The following RBFOX1 variants were observed in gnomAD, a reference collection of about 807,000 sequenced individuals.
RBFOX1 encodes the protein RNA binding fox-1 homolog 1, also known as RNA binding protein fox-1 homolog 1.
In RBFOX1, 8 loss-of-function variants were observed where a neutral mutation model predicts 57.7. The ratio of observed to expected loss-of-function variants is 0.14; its 90% CI spans 0.08 to 0.25. The LOEUF is 0.25. RBFOX1 is among the 10% of genes least tolerant of loss of function. The pLI, the probability that RBFOX1 is intolerant of heterozygous loss-of-function variation, is 1.00. For missense variants in RBFOX1, 611 were observed against 548.5 expected (o/e 1.11, Z -1.14); for synonymous variants, 326 against 222.4 (o/e 1.47, Z -4.15).
At chr16:6,371,967 C>G (rs780830179) in intron 2 of RBFOX1, among the ~76,000 whole-genome samples, 2 of 152,032 alleles carry the variant, frequency 1.3e-5, no homozygotes, top group Non-Finnish European at 2.9e-5. Context: ...TCTTTGTATC[C>G]CCATTGCCTA....
intron 2 of RBFOX1, among the ~76,000 whole-genome samples, chr16:6,631,977 A>C (rs777509830): frequency 2.9e-4 from 44 of 152,138 alleles, no homozygotes; most frequent in Non-Finnish European, 5.3e-4. Context: ...GTTTATTCTC[A>C]ATGGAAGGAG....
intron 1 of RBFOX1, among the ~76,000 whole-genome samples, chr16:5,459,210 G>A (rs1429679912): frequency 1.3e-5 from 2 of 152,218 alleles, no homozygotes; most frequent in Non-Finnish European, 2.9e-5. Flanking sequence ...GCATTGGCAT[G>A]TAAACCAGAT....
chr16:7,567,595 ATATATATATCCCTTTATATGGCCC>A (rs1321912337), intron 5 of RBFOX1, among the ~76,000 whole-genome samples: 12,190 of 43,612 alleles, frequency 0.28, 2,455 homozygotes, highest in Non-Finnish European at 0.41. Context: ...ATATGGCCCT[ATATATATATCCCTTTATATGGCCC>A]TATATATATA....
chr16:6,321,246 A>G (rs963090910), intron 2 of RBFOX1, among the ~76,000 whole-genome samples: 4 of 152,144 alleles, frequency 2.6e-5, no homozygotes, highest in African/African-American at 9.7e-5. Context: ...CGGAGAGTTC[A>G]TTAATTTAAA....
intron 3 of RBFOX1, among the ~76,000 whole-genome samples, chr16:6,889,487 A>T (rs1271047684): frequency 6.6e-6 from 1 of 152,200 alleles, no homozygotes; most frequent in East Asian, 1.9e-4. Flanking sequence ...GTGGGAAAAT[A>T]GGCATGTATT....
chr16:5,869,699 G>A (rs371232444), intron 4 of RBFOX1, among the ~76,000 whole-genome samples: 13 of 152,170 alleles, frequency 8.5e-5, no homozygotes, highest in African/African-American at 2.6e-4. Flanking sequence ...CACCGCGCCC[G>A]GCTGTTCACA....
At chr16:7,217,893 CGTAT>C (rs975387464) in intron 4 of RBFOX1, among the ~76,000 whole-genome samples, 2 of 131,222 alleles carry the variant, frequency 1.5e-5, no homozygotes, top group African/African-American at 5.6e-5. Flanking sequence ...TGTGTGCATG[CGTAT>C]GTGTGTGCAT....
intron 2 of RBFOX1, among the ~76,000 whole-genome samples, chr16:6,334,507 C>CAAAAA (rs35514991): frequency 0.021 from 2,380 of 115,830 alleles, 94 homozygotes; most frequent in African/African-American, 0.072. Flanking sequence ...GATAGCATCT[C>CAAAAA]AAAAAAAAAA....
chr16:6,429,599 T>A (rs984591545), intron 2 of RBFOX1, among the ~76,000 whole-genome samples: 1 of 152,198 alleles, frequency 6.6e-6, no homozygotes, highest in Non-Finnish European at 1.5e-5. Context: ...TGAAATGTAA[T>A]AATCCCCATG....
intron 2 of RBFOX1, among the ~76,000 whole-genome samples, chr16:6,547,585 T>A (rs2096913861): frequency 6.6e-6 from 1 of 152,180 alleles, no homozygotes; most frequent in Non-Finnish European, 1.5e-5. Flanking sequence ...AACACCTTTT[T>A]TCTCTGTCTC....
At chr16:5,348,195 C>T (rs751092990) in intron 1 of RBFOX1, among the ~76,000 whole-genome samples, 13 of 151,720 alleles carry the variant, frequency 8.6e-5, no homozygotes, top group Non-Finnish European at 1.3e-4. Context: ...TCTACTCTTC[C>T]ACCCGCCCAC....
chr16:7,201,233 A>C (rs2152722023), intron 4 of RBFOX1, among the ~76,000 whole-genome samples: 1 of 152,288 alleles, frequency 6.6e-6, no homozygotes, highest in South Asian at 2.1e-4. Context: ...TCCCAAACCA[A>C]AGGAATGCCA....
At chr16:5,717,001 C>T (rs1465237063) in intron 3 of RBFOX1, among the ~76,000 whole-genome samples, 1 of 152,002 alleles carries the variant, frequency 6.6e-6, no homozygotes, top group African/African-American at 2.4e-5. Context: ...GCATAGGGAG[C>T]TGTATTAGCA....
chr16:6,823,846 G>C (rs774489906), intron 3 of RBFOX1, among the ~76,000 whole-genome samples: 18 of 152,082 alleles, frequency 1.2e-4, no homozygotes, highest in Non-Finnish European at 1.6e-4. Context: ...AGAAATAGAG[G>C]GCTCTGTGCT....
chr16:6,988,757 T>C (rs28657841), intron 3 of RBFOX1, among the ~76,000 whole-genome samples: 5 of 143,508 alleles, frequency 3.5e-5, no homozygotes, highest in Non-Finnish European at 7.6e-5. Flanking sequence ...GTTTGTTTTT[T>C]GTTTTTTGTT....
intron 2 of RBFOX1, among the ~76,000 whole-genome samples, chr16:6,494,950 C>G (rs1049994790): frequency 6.6e-6 from 1 of 152,206 alleles, no homozygotes; most frequent in South Asian, 2.1e-4. Context: ...TCAGAGCAGC[C>G]TTATGAAGTA....
At chr16:7,498,650 C>T (rs913100587) in intron 4 of RBFOX1, among the ~76,000 whole-genome samples, 2 of 152,102 alleles carry the variant, frequency 1.3e-5, no homozygotes, top group South Asian at 2.1e-4. Context: ...TCTTGTATGA[C>T]GTCTCTGAAA....
intron 2 of RBFOX1, among the ~76,000 whole-genome samples, chr16:6,385,237 A>C (rs981335679): frequency 9.2e-5 from 14 of 152,248 alleles, no homozygotes; most frequent in Admixed American, 7.8e-4. Flanking sequence ...AAACAGGAAC[A>C]GGCAGTATGC....
At chr16:7,056,741 G>T (rs9889068) in intron 4 of RBFOX1, among the ~76,000 whole-genome samples, 83,795 of 151,838 alleles carry the variant, frequency 0.55, 24,781 homozygotes, top group South Asian at 0.77. Flanking sequence ...ATGTTGGTTT[G>T]GGGGCTGATT....
Sources: gnomAD v4.1 joint callset for allele counts (sites outside exome capture counted in the v4.1 genomes callset) on GRCh38, gnomAD v4.1.1 for gene constraint, MANE v1.5 for transcripts, NCBI Gene and HGNC (gene_info 2026-07-23, HGNC 2026-07-21) for gene names.